Variants in OTOGL observed in about 807,000 individuals in gnomAD.
The protein encoded by OTOGL is otogelin-like protein.
In OTOGL, 285 loss-of-function variants were observed where a neutral mutation model predicts 318.5. That is an observed-to-expected ratio of 0.89 (90% CI 0.81 to 0.99). OTOGL has a LOEUF of 0.99. OTOGL is among the 50% of genes least tolerant of loss of function. The pLI, the probability that OTOGL is intolerant of heterozygous loss-of-function variation, is 0.00. For missense variants in OTOGL, 2,899 were observed against 2,845.6 expected (o/e 1.02, Z -0.43); for synonymous variants, 987 against 936.5 (o/e 1.05, Z -0.99).
chr12:80,317,827 G>A (rs1217947841), intron 32 of OTOGL, among the ~76,000 whole-genome samples: 1 of 152,056 alleles, frequency 6.6e-6, no homozygotes, highest in Non-Finnish European at 1.5e-5. Flanking sequence ...CTGCAGCCAG[G>A]CTAAGAAAAA....
At chr12:80,108,848 G>GTATATATATATTGTATATATATGTGTA (rs375973972) in intron 1 of OTOGL, among the ~76,000 whole-genome samples, 1 of 130,070 alleles carries the variant, frequency 7.7e-6, no homozygotes, top group African/African-American at 2.9e-5. Context: ...ATATATATGT[G>GTATATATATATTGTATATATATGTGTA]TATATATATG....
intron 37 of OTOGL, among the ~76,000 whole-genome samples, chr12:80,330,316 TTTAATC>T (rs981766087): frequency 2.6e-5 from 4 of 152,218 alleles, no homozygotes; most frequent in Admixed American, 1.3e-4. Flanking sequence ...TTGTCATACT[TTTAATC>T]TTAATAAGAG....
At chr12:80,341,334 C>T (rs1353053647) in intron 43 of OTOGL, among the ~76,000 whole-genome samples, 1 of 152,080 alleles carries the variant, frequency 6.6e-6, no homozygotes, top group Non-Finnish European at 1.5e-5. Context: ...ATAGTTGTCC[C>T]TATGTTGAAT....
chr12:80,256,364 A>G lies in OTOGL; in HGVS notation c.1615A>G (p.Ile539Val), dbSNP rs1185779231. 3.8e-6 allele frequency: 6 copies of G among 1,595,822 alleles called. No individual in the cohort carries two copies. The highest frequency in any genetic ancestry group is 1.7e-5 in the Admixed American group (1 of 59,710). Residue 539 changes from isoleucine to valine, a missense_variant, in exon 17 of 59, where the codon ATA becomes GTA. Transcript: ENST00000547103. ...QNLGLVCLQSITLILEDDFNK... is the reference protein window; with the variant it reads ...QNLGLVCLQSVTLILEDDFNK... ...TCTTGGCTTGGTCTGCCTTCAGTCT[A>G]TAACTCTGATTCTGGAGGATGATTT...
chr12:80,124,875 C>T (rs1053149446), intron 1 of OTOGL, among the ~76,000 whole-genome samples: 81 of 152,120 alleles, frequency 5.3e-4, no homozygotes, highest in Admixed American at 7.9e-4. Flanking sequence ...TTGTGATTTT[C>T]GTACATTGAT....
At chr12:80,293,815 T>A (rs1288777717) in intron 26 of OTOGL, among the ~76,000 whole-genome samples, 1 of 152,142 alleles carries the variant, frequency 6.6e-6, no homozygotes, top group Non-Finnish European at 1.5e-5. Context: ...TTCTGCAACA[T>A]TGAAGTCCCT....
chr12:80,232,947 A>C lies in OTOGL; in HGVS notation c.667A>C (p.Ile223Leu), dbSNP rs1324348647. The change falls in exon 9 of 59, where the codon ATT (isoleucine) becomes CTT (leucine). Residue 223 changes from isoleucine (I) to leucine (L), a missense_variant. By Grantham distance (5) the Ile-to-Leu change is conservative. Transcript: ENST00000547103. Reference protein sequence around the residue: ...QIFIEKLADYILVKTTFGFSL... With the variant: ...QIFIEKLADYLLVKTTFGFSL... ...TTTCATTGAGAAACTAGCTGACTAC[A>C]TTCTTGTGAAAACAACCTTTGGCTT... is the stretch of plus-strand genomic sequence containing the variant. 1.3e-6 allele frequency: 2 copies of C among 1,599,206 alleles called. No individual in the cohort carries two copies. Among genetic ancestry groups the C allele is most frequent in the South Asian group, 1.1e-5 (1 of 91,082 alleles).
intron 58 of OTOGL, 114 bp from the exon 59 acceptor site, chr12:80,377,734 G>A: frequency 1.3e-6 from 1 of 794,644 alleles, no homozygotes; most frequent in Non-Finnish European, 2.0e-6. Context: ...GCAGAAGCTT[G>A]AGGGTTGGAG....
At position 80,144,783 on chromosome 12, in the gene OTOGL, G is replaced by C. The variant is rs1053646092; in HGVS notation, c.-20+45178G>C. Among the ~76,000 whole-genome samples the C allele has an allele frequency of 5.0e-3, 761 of 152,256 alleles. 2 individuals are homozygous for C. The highest frequency in any genetic ancestry group is 9.0e-3 in the Non-Finnish European group (612 of 68,018). On this transcript the variant is annotated intron_variant, in intron 1 of 58. Transcript: ENST00000547103. ...TGAGATGGTATCTCATTGTGGTTTT[G>C]ATTTGCATTTCTCTGATGGCCAGTG...
intron 1 of OTOGL, among the ~76,000 whole-genome samples, chr12:80,130,336 A>G (rs1871163092): frequency 6.6e-6 from 1 of 152,238 alleles, no homozygotes; most frequent in African/African-American, 2.4e-5. Flanking sequence ...TGTCTTGGAT[A>G]TAGATGCTGA....
intron 1 of OTOGL, among the ~76,000 whole-genome samples, chr12:80,187,551 TAA>T (rs1875378789): frequency 6.6e-6 from 1 of 152,226 alleles, no homozygotes; most frequent in Admixed American, 6.5e-5. Context: ...GTTAATTTTA[TAA>T]AGTTATAACC....
chr12:80,323,698 C>A, intron 34 of OTOGL, 25 bp from the exon 35 acceptor site: 1 of 1,540,994 alleles, frequency 6.5e-7, no homozygotes, highest in Non-Finnish European at 9.0e-7. Flanking sequence ...AATATGCACA[C>A]AATCTAAACT....
At chr12:80,236,555 A>G (rs1440804301) in intron 9 of OTOGL, among the ~76,000 whole-genome samples, 2 of 152,192 alleles carry the variant, frequency 1.3e-5, no homozygotes, top group Non-Finnish European at 2.9e-5. Context: ...GTGTGTAAGT[A>G]TTGAAATAAG....
chr12:80,118,482 C>G lies in OTOGL; in HGVS notation c.-20+18877C>G, dbSNP rs1362168794. Among the ~76,000 whole-genome samples the G allele has an allele frequency of 7.9e-5, 12 of 152,162 alleles. 1 individual carries two copies. The highest frequency in any genetic ancestry group is 1.3e-4 in the Non-Finnish European group (9 of 68,036). Reference sequence around the variant, plus strand: ...GGAAGGTGAAGTGGACCCTGACTCTCATGTGCCCAAAGTGTTTACTTGTAA... The same window carrying G: ...GGAAGGTGAAGTGGACCCTGACTCTGATGTGCCCAAAGTGTTTACTTGTAA... On this transcript the variant is annotated intron_variant, in intron 1 of 58. Transcript: ENST00000547103.
At chr12:80,317,069 ATGTT>A (rs1186204913) in intron 32 of OTOGL, among the ~76,000 whole-genome samples, 1 of 152,156 alleles carries the variant, frequency 6.6e-6, no homozygotes, top group Non-Finnish European at 1.5e-5. Flanking sequence ...TCTATATAAT[ATGTT>A]TGTGTTCATT....
At chr12:80,266,129 G>T (rs574743696) in intron 20 of OTOGL, 26 of 220,328 alleles carry the variant, frequency 1.2e-4, no homozygotes, top group Non-Finnish European at 2.2e-4. Flanking sequence ...GTTGTCTATG[G>T]CTGCTTCTAT....
rs574933108 is a variant in OTOGL, at chr12:80,302,597, A to T, written c.3064-37A>T. ...TTGATATATTTTGGTTAGAGAACTT[A>T]CTACTCACTTTGTTTATTTTCTTTT... On this transcript the variant is annotated intron_variant, in intron 27 of 58. Coordinates refer to ENST00000547103, the MANE Select transcript of OTOGL (RefSeq NM_001378609.3). The T allele has an allele frequency of 2.4e-5, 30 of 1,239,810 alleles. No individual in the cohort carries two copies. The African/African-American group carries it at 3.9e-4, about 16-fold the overall frequency. 76.8% of individuals were successfully genotyped at this position (1,239,810 alleles called of 1,614,324 possible).
chr12:80,353,625 A>C, intron 46 of OTOGL, 115 bp downstream of exon 46: 1 of 848,492 alleles, frequency 1.2e-6, no homozygotes, highest in Non-Finnish European at 1.6e-6. Flanking sequence ...CTCTGTTGGA[A>C]AGGAAATGAG....
chr12:80,153,462 T>C (rs993452505), intron 1 of OTOGL, among the ~76,000 whole-genome samples: 107 of 152,336 alleles, frequency 7.0e-4, no homozygotes, highest in African/African-American at 2.4e-3. Flanking sequence ...ATACCTTCTC[T>C]GTCTTCACTC....
Sources: allele counts gnomAD v4.1 joint callset (sites outside exome capture counted in the v4.1 genomes callset), GRCh38; gene constraint gnomAD v4.1.1; transcripts MANE v1.5; gene names NCBI Gene and HGNC (gene_info 2026-07-23, HGNC 2026-07-21).